The following PGGT1B variants were observed in gnomAD, a reference collection of about 807,000 sequenced individuals.
PGGT1B encodes protein geranylgeranyltransferase type I subunit beta.
A neutral mutation model predicts 46.1 loss-of-function variants in PGGT1B; 30 were observed. The ratio of observed to expected loss-of-function variants is 0.65; its 90% CI spans 0.49 to 0.88. The LOEUF (loss-of-function observed/expected upper bound fraction) is 0.88, where lower values mean the gene tolerates loss of function less well. Among genes scored for constraint, PGGT1B ranks in the 40% least tolerant of loss-of-function variants. PGGT1B has a pLI of 0.00. For synonymous variants in PGGT1B, 170 were observed against 160.0 expected (o/e 1.06, Z -0.47); for missense variants, 376 against 455.9 (o/e 0.82, Z 1.60).
rs1367543438 is a variant in PGGT1B at position 115,207,499 on chromosome 5, T to C, written c.*4903A>G. 6.6e-6 allele frequency: 1 copy of C among 151,964 alleles called. No homozygotes were observed. Among genetic ancestry groups the C allele is most frequent in the East Asian group, 1.9e-4 (1 of 5,194 alleles). 9.4% of individuals were successfully genotyped at this position (151,964 alleles called of 1,614,324 possible). A position where few individuals can be genotyped will look rare whatever the true frequency, so the allele number is the denominator to read the frequency against. Reference sequence around the variant, plus strand: ...TGGTAATTTTGACAGCACTTACCTTTGGGAAGAGAGGTAGTGACTGAAAGA... The same window carrying C: ...TGGTAATTTTGACAGCACTTACCTTCGGGAAGAGAGGTAGTGACTGAAAGA... On this transcript the variant is annotated 3_prime_UTR_variant, in exon 9 of 9. Coordinates refer to ENST00000419445, the MANE Select transcript of PGGT1B (RefSeq NM_005023.4).
chr5:115,247,541 A>G (rs1747906366), intron 2 of PGGT1B, among the ~76,000 whole-genome samples: 1 of 152,202 alleles, frequency 6.6e-6, no homozygotes, highest in Non-Finnish European at 1.5e-5. Context: ...ATGAACATTT[A>G]TATTTTATGG....
At chr5:115,258,288 T>C (rs1329714256) in intron 1 of PGGT1B, among the ~76,000 whole-genome samples, 2 of 152,240 alleles carry the variant, frequency 1.3e-5, no homozygotes, top group African/African-American at 2.4e-5. Context: ...TCAAGAATCC[T>C]GGGACTCCTT....
Position 115,212,166 on chromosome 5 carries a change from T to A in PGGT1B, c.*236A>T. On this transcript the variant is annotated 3_prime_UTR_variant, in exon 9 of 9. Transcript: ENST00000419445. ...TTTGCCTCAAACAACTTCTTAGAAA[T>A]ACAGTATAAACATTTAAGAACCACG... The A allele has an allele frequency of 3.7e-6, 2 of 542,714 alleles. No homozygotes were observed. The highest frequency in any genetic ancestry group is 5.7e-5 in the South Asian group (2 of 35,258). 33.6% of individuals were successfully genotyped at this position (542,714 alleles called of 1,614,324 possible).
chr5:115,222,177 A>C (rs890495546), intron 6 of PGGT1B, among the ~76,000 whole-genome samples, 169 bp from the exon 7 acceptor site: 2 of 152,218 alleles, frequency 1.3e-5, no homozygotes, highest in Non-Finnish European at 2.9e-5. Flanking sequence ...AGTCTTCAAT[A>C]TTTGTTAAAA....
chr5:115,240,074 G>A (rs901894973), intron 3 of PGGT1B, among the ~76,000 whole-genome samples: 11 of 152,086 alleles, frequency 7.2e-5, no homozygotes, highest in African/African-American at 1.9e-4. Flanking sequence ...TCTCAGTGAC[G>A]GTTCTATGTG....
chr5:115,218,772 C>T (rs1756501045), intron 7 of PGGT1B, among the ~76,000 whole-genome samples: 1 of 151,800 alleles, frequency 6.6e-6, no homozygotes, highest in African/African-American at 2.4e-5. Context: ...CCTGTTAAAA[C>T]TATTCCATAA....
rs1756022657 is a variant in PGGT1B, at chr5:115,205,074, A to T, written c.*7328T>A. ...GCACTTTATCAAATCGATTTTAGTG[A>T]TTGTTTTCCTTCAATCTTTAGAGAT... On this transcript the variant is annotated 3_prime_UTR_variant, in exon 9 of 9. Transcript: ENST00000419445. 1 of 152,136 alleles carries T rather than the reference A, an allele frequency of 6.6e-6. No homozygotes were observed. The highest frequency in any genetic ancestry group is 1.5e-5 in the Non-Finnish European group (1 of 68,010). 9.4% of individuals were successfully genotyped at this position (152,136 alleles called of 1,614,324 possible).
intron 1 of PGGT1B, among the ~76,000 whole-genome samples, chr5:115,257,572 T>A (rs1217668119): frequency 6.7e-6 from 1 of 149,328 alleles, no homozygotes; most frequent in Non-Finnish European, 1.5e-5. Context: ...CAGTCTATAG[T>A]CTGGACAGTG....
intron 2 of PGGT1B, among the ~76,000 whole-genome samples, chr5:115,252,340 G>T (rs1237769900): frequency 1.3e-5 from 2 of 151,876 alleles, no homozygotes; most frequent in African/African-American, 4.8e-5. Flanking sequence ...AAGATCGTCT[G>T]CCAAACAGAG....
At chr5:115,227,504 C>G (rs1284386206) in intron 6 of PGGT1B, among the ~76,000 whole-genome samples, 1 of 152,194 alleles carries the variant, frequency 6.6e-6, no homozygotes, top group Non-Finnish European at 1.5e-5. Context: ...CTGGTTACGT[C>G]AGGCCCACAT....
At chr5:115,214,699 A>G (rs1287033907) in intron 8 of PGGT1B, among the ~76,000 whole-genome samples, 2 of 152,222 alleles carry the variant, frequency 1.3e-5, no homozygotes, top group African/African-American at 4.8e-5. Flanking sequence ...AACTCTCCGG[A>G]AAAAGCCTCA....
intron 2 of PGGT1B, among the ~76,000 whole-genome samples, chr5:115,248,423 G>A (rs1397286569): frequency 6.6e-6 from 1 of 152,126 alleles, no homozygotes; most frequent in Non-Finnish European, 1.5e-5. Flanking sequence ...GTAAAATGAT[G>A]GACTGTAATA....
rs1331502700 is a variant in PGGT1B, at chr5:115,209,332, A to T, written c.*3070T>A. ...CAGACAGCTCTAATGCAATCAGCAG[A>T]CCTTATCATATTGCTTTAACATTCA... is the stretch of plus-strand genomic sequence containing the variant. On this transcript the variant is annotated 3_prime_UTR_variant, in exon 9 of 9. Coordinates refer to ENST00000419445, the MANE Select transcript of PGGT1B (RefSeq NM_005023.4). The T allele has an allele frequency of 1.3e-5, 2 of 152,080 alleles. No homozygotes were observed. The highest frequency in any genetic ancestry group is 2.9e-5 in the Non-Finnish European group (2 of 67,998). 9.4% of individuals were successfully genotyped at this position (152,080 alleles called of 1,614,324 possible). A position where few individuals can be genotyped will look rare whatever the true frequency, so the allele number is the denominator to read the frequency against.
Position 115,210,099 on chromosome 5 carries a change from C to T in PGGT1B, c.*2303G>A, listed in dbSNP as rs370331514. ...ATATTATAGATCAAATCTAAAAACA[C>T]TGAAATGATAAACAGGTTAAATTAG... On this transcript the variant is annotated 3_prime_UTR_variant, in exon 9 of 9. Coordinates refer to ENST00000419445, the MANE Select transcript of PGGT1B (RefSeq NM_005023.4). 1.6e-4 allele frequency: 24 copies of T among 151,948 alleles called. No homozygotes were observed. Among genetic ancestry groups the T allele is most frequent in the African/African-American group, 4.8e-4 (20 of 41,440 alleles). The allele number at this position is 151,948 out of a possible 1,614,324, so 9.4% of individuals were successfully genotyped here. A position where few individuals can be genotyped will look rare whatever the true frequency, so the allele number is the denominator to read the frequency against.
intron 6 of PGGT1B, among the ~76,000 whole-genome samples, chr5:115,223,375 G>A (rs1356589042): frequency 6.6e-6 from 1 of 152,132 alleles, no homozygotes; most frequent in Non-Finnish European, 1.5e-5. Context: ...GGTATTATCT[G>A]GGTGGGCCCT....
intron 7 of PGGT1B, among the ~76,000 whole-genome samples, chr5:115,218,870 T>C (rs1161340428): frequency 6.6e-6 from 1 of 151,890 alleles, no homozygotes; most frequent in Non-Finnish European, 1.5e-5. Flanking sequence ...CTGAAATGAT[T>C]AAATACTGAG....
intron 3 of PGGT1B, among the ~76,000 whole-genome samples, chr5:115,238,938 TCTTGCATA>T (rs1757268903): frequency 6.6e-6 from 1 of 152,240 alleles, no homozygotes; most frequent in Non-Finnish European, 1.5e-5. Flanking sequence ...CGTAAGATTT[TCTTGCATA>T]CTTACCTTCT....
At chr5:115,230,177 C>T (rs1397082881) in intron 6 of PGGT1B, among the ~76,000 whole-genome samples, 1 of 151,908 alleles carries the variant, frequency 6.6e-6, no homozygotes, top group Non-Finnish European at 1.5e-5. Context: ...CGAGAAATTA[C>T]ATGAGGAGCC....
At chr5:115,228,050 T>A (rs950357403) in intron 6 of PGGT1B, among the ~76,000 whole-genome samples, 26 of 152,186 alleles carry the variant, frequency 1.7e-4, no homozygotes, top group South Asian at 2.1e-4. Context: ...AAAATTTTTT[T>A]AAAAAATCAA....
Sources: allele counts gnomAD v4.1 joint callset (sites outside exome capture counted in the v4.1 genomes callset), GRCh38; gene constraint gnomAD v4.1.1; transcripts MANE v1.5; gene names NCBI Gene and HGNC (gene_info 2026-07-23, HGNC 2026-07-21).